SLC9C1: variants seen among roughly 807,000 people sequenced by gnomAD.
The protein encoded by SLC9C1 is solute carrier family 9 member C1.
A neutral mutation model predicts 140.9 loss-of-function variants in SLC9C1; 97 were observed. The ratio of observed to expected loss-of-function variants is 0.69; its 90% CI spans 0.58 to 0.82. The LOEUF is 0.82. Among genes scored for constraint, SLC9C1 ranks in the 40% least tolerant of loss-of-function variants. SLC9C1 has a pLI of 0.00. For synonymous variants in SLC9C1, 440 were observed against 442.6 expected, an observed-to-expected ratio of 0.99 and a Z score of 0.07; for missense variants, 1,340 against 1,389.3, an observed-to-expected ratio of 0.96 and a Z score of 0.56.
chr3:112,196,205 G>A (rs548975438), intron 20 of SLC9C1, among the ~76,000 whole-genome samples: 1 of 150,292 alleles, frequency 6.7e-6, no homozygotes, highest in South Asian at 2.1e-4. Context: ...TTTCCACTTC[G>A]AATATATCAG....
chr3:112,169,167 G>A, intron 24 of SLC9C1, 30 bp downstream of exon 24: 1 of 1,600,722 alleles, frequency 6.2e-7, no homozygotes, highest in Non-Finnish European at 8.5e-7. Context: ...TTCAAAGAAA[G>A]AAAGACAAGT....
rs775035293 is a variant in SLC9C1 at position 112,217,475 on chromosome 3, T to C, written c.1757A>G (p.Tyr586Cys). 19 of 1,607,456 alleles carry C rather than the reference T, an allele frequency of 1.2e-5. No homozygotes were observed. The highest frequency in any genetic ancestry group is 1.4e-5 in the Non-Finnish European group (17 of 1,178,152). ...FARKLLLNWV[Y>C]NTRKEKEGPS... ...GCCCTCTTTTTCCTTTCTGGTATTA[T>C]ACACCCAATTAAGTAGTAGTTTTCT... Residue 586 changes from tyrosine to cysteine, a missense_variant, in exon 15 of 29, where the codon TAT (tyrosine) becomes TGT (cysteine). Coordinates refer to ENST00000305815, the MANE Select transcript of SLC9C1 (RefSeq NM_183061.3).
intron 23 of SLC9C1, among the ~76,000 whole-genome samples, chr3:112,178,822 A>G (rs904388682): frequency 9.2e-5 from 14 of 152,306 alleles, no homozygotes; most frequent in African/African-American, 3.1e-4. Context: ...CGATGGCACA[A>G]TGGAGATTTT....
chr3:112,221,269 A>T, intron 13 of SLC9C1, 44 bp from the exon 14 acceptor site: 4 of 1,494,812 alleles, frequency 2.7e-6, no homozygotes, highest in Non-Finnish European at 3.7e-6. Flanking sequence ...ATGAATAACG[A>T]TGACAACTTA....
rs2079209874 is a variant in SLC9C1, at chr3:112,244,055, C to T, written c.1219G>A (p.Val407Ile). ...TTGACAACAAGGGTTATTAGGCATA[C>T]TAACACTCCATGAAATAATATCTAG... Reference protein sequence around the residue: ...KSQILFHGVLVCLITLVVNRF... With the variant: ...KSQILFHGVLICLITLVVNRF... Residue 407 changes from valine to isoleucine, a missense_variant, in exon 11 of 29, where the codon GTA (valine) becomes ATA (isoleucine). Val to Ile is a conservative substitution (Grantham distance 29). Coordinates refer to ENST00000305815, the MANE Select transcript of SLC9C1 (RefSeq NM_183061.3). 1.2e-6 allele frequency: 2 copies of T among 1,600,202 alleles called. No individual in the cohort carries two copies. Among genetic ancestry groups the T allele is most frequent in the South Asian group, 1.1e-5 (1 of 88,356 alleles).
At chr3:112,177,518 A>G (rs369778516) in intron 23 of SLC9C1, among the ~76,000 whole-genome samples, 3 of 149,880 alleles carry the variant, frequency 2.0e-5, no homozygotes, top group Non-Finnish European at 4.4e-5. Flanking sequence ...CTCATTTCTC[A>G]GCTTAGCAGG....
chr3:112,204,541 T>G, intron 16 of SLC9C1, 138 bp from the exon 17 acceptor site: 1 of 793,142 alleles, frequency 1.3e-6, no homozygotes, highest in Non-Finnish European at 1.9e-6. Flanking sequence ...GAAACCAAAA[T>G]CAAACAAACA....
intron 12 of SLC9C1, among the ~76,000 whole-genome samples, chr3:112,236,959 G>T (rs1293541197): frequency 6.6e-6 from 1 of 152,214 alleles, no homozygotes; most frequent in African/African-American, 2.4e-5. Flanking sequence ...GGGGTGGAGA[G>T]TTCTGTAGAT....
Position 112,208,195 on chromosome 3 carries a change from G to T in SLC9C1, c.1969C>A (p.Leu657Ile). The change falls in exon 16 of 29, where the codon CTA becomes ATA. Residue 657 changes from leucine (L) to isoleucine (I), a missense_variant. Coordinates refer to ENST00000305815, the MANE Select transcript of SLC9C1 (RefSeq NM_183061.3). ...TNYCFLTLYI[L>I]EALLKIAAMR... ...TAGATTACCTTAAGTAGTGCCTCTA[G>T]AATATAAAGTGTAAGAAAACAGTAG... 6.2e-7 allele frequency: 1 copy of T among 1,606,370 alleles called. No individual in the cohort carries two copies. The highest frequency in any genetic ancestry group is 1.7e-5 in the Admixed American group (1 of 58,132).
intron 10 of SLC9C1, among the ~76,000 whole-genome samples, chr3:112,249,730 G>T (rs1373356370): frequency 1.3e-5 from 2 of 152,062 alleles, no homozygotes; most frequent in Non-Finnish European, 2.9e-5. Flanking sequence ...GTGTGCAGAG[G>T]TGTTCACAGC....
At chr3:112,164,885 T>A (rs1400370301) in intron 26 of SLC9C1, among the ~76,000 whole-genome samples, 1 of 152,184 alleles carries the variant, frequency 6.6e-6, no homozygotes, top group African/African-American at 2.4e-5. Flanking sequence ...TTGGTTCCAT[T>A]CTCCCCATCA....
At chr3:112,257,193 A>T (rs2079631930) in intron 10 of SLC9C1, among the ~76,000 whole-genome samples, 1 of 152,154 alleles carries the variant, frequency 6.6e-6, no homozygotes, top group African/African-American at 2.4e-5. Context: ...GAACTAGAAA[A>T]ATCTATTTTA....
At chr3:112,210,932 G>A (rs1053075773) in intron 15 of SLC9C1, among the ~76,000 whole-genome samples, 1 of 152,018 alleles carries the variant, frequency 6.6e-6, no homozygotes, top group Non-Finnish European at 1.5e-5. Context: ...ATGTTGGCCA[G>A]ATCATTTTTC....
chr3:112,142,301 A>G (rs1429213545), intron 28 of SLC9C1, among the ~76,000 whole-genome samples: 1 of 152,198 alleles, frequency 6.6e-6, no homozygotes, highest in Non-Finnish European at 1.5e-5. Context: ...TAAATTCTGC[A>G]TTTCTTAGAT....
intron 20 of SLC9C1, among the ~76,000 whole-genome samples, chr3:112,195,718 C>T (rs2077755446): frequency 6.6e-6 from 1 of 152,050 alleles, no homozygotes; most frequent in Non-Finnish European, 1.5e-5. Context: ...ACTTCCATAA[C>T]ATTCAAAAAC....
chr3:112,180,508 A>G, intron 22 of SLC9C1, 56 bp downstream of exon 22: 1 of 1,434,678 alleles, frequency 7.0e-7, no homozygotes, highest in Non-Finnish European at 9.6e-7. Context: ...GGGCAACAAG[A>G]GAGAAACTCT....
chr3:112,236,256 T>C (rs1208986065), intron 12 of SLC9C1, among the ~76,000 whole-genome samples: 2 of 152,230 alleles, frequency 1.3e-5, no homozygotes, highest in Non-Finnish European at 2.9e-5. Context: ...TTTATTTGTG[T>C]AGAGGTGTTT....
intron 20 of SLC9C1, among the ~76,000 whole-genome samples, chr3:112,191,034 T>C (rs2077650532): frequency 6.6e-6 from 1 of 152,030 alleles, no homozygotes. Context: ...ATATATTCTG[T>C]ATTTCATTAT....
chr3:112,246,909 CAGCACCAAGGTTGT>C (rs1304883726), intron 10 of SLC9C1, among the ~76,000 whole-genome samples: 12 of 152,162 alleles, frequency 7.9e-5, no homozygotes. Context: ...AGACTAGAGG[CAGCACCAAGGTTGT>C]TAACCAGGAA....
Sources: allele counts gnomAD v4.1 joint callset (sites outside exome capture counted in the v4.1 genomes callset), GRCh38; gene constraint gnomAD v4.1.1; transcripts MANE v1.5; gene names NCBI Gene and HGNC (gene_info 2026-07-23, HGNC 2026-07-21).